Variants in NRXN1 observed in about 807,000 individuals in gnomAD.
The protein encoded by NRXN1 is neurexin 1, also known as neurexin-1.
In NRXN1, 39 loss-of-function variants were observed where a neutral mutation model predicts 150.9. The ratio of observed to expected loss-of-function variants is 0.26; its 90% CI spans 0.20 to 0.34. The LOEUF is 0.34. Ranked by LOEUF, NRXN1 falls within the 10% of genes least tolerant of loss-of-function variation. NRXN1 has a pLI of 1.00. For missense variants in NRXN1, 1,815 were observed against 1,949.9 expected (o/e 0.93, Z 1.30); for synonymous variants, 924 against 757.0 (o/e 1.22, Z -3.62).
At chr2:50,634,464 T>C (rs1055667746) in intron 5 of NRXN1, among the ~76,000 whole-genome samples, 6 of 152,198 alleles carry the variant, frequency 3.9e-5, no homozygotes, top group Non-Finnish European at 8.8e-5. Context: ...TTAAACAATA[T>C]ATGCATAATA....
At chr2:50,970,720 G>C (rs1363627153) in intron 2 of NRXN1, among the ~76,000 whole-genome samples, 2 of 151,952 alleles carry the variant, frequency 1.3e-5, no homozygotes, top group Non-Finnish European at 2.9e-5. Flanking sequence ...AAGTTAAACA[G>C]AGGGTCGTTA....
At chr2:50,527,059 T>A (rs74880113) in intron 12 of NRXN1, among the ~76,000 whole-genome samples, 1 of 152,232 alleles carries the variant, frequency 6.6e-6, no homozygotes, top group African/African-American at 2.4e-5. Context: ...TTAATTGCTA[T>A]ACTTTGCATA....
chr2:50,695,583 C>G (rs1446110111), intron 5 of NRXN1, among the ~76,000 whole-genome samples: 2 of 152,096 alleles, frequency 1.3e-5, no homozygotes, highest in Non-Finnish European at 2.9e-5. Context: ...TCTTTGCTTT[C>G]CTCTAGGAGC....
intron 5 of NRXN1, among the ~76,000 whole-genome samples, chr2:50,793,662 G>A (rs183724876): frequency 2.6e-5 from 4 of 152,052 alleles, no homozygotes; most frequent in African/African-American, 9.6e-5. Context: ...CATTAGCCTT[G>A]GGCAGGGTAA....
At chr2:50,424,266 G>T (rs1194213006) in intron 17 of NRXN1, among the ~76,000 whole-genome samples, 5 of 105,106 alleles carry the variant, frequency 4.8e-5, no homozygotes, top group African/African-American at 1.1e-4. Flanking sequence ...GGAAGAGGAG[G>T]ACAGGGGAAG....
intron 21 of NRXN1, among the ~76,000 whole-genome samples, chr2:49,995,812 A>G (rs1219505959): frequency 2.0e-5 from 3 of 146,580 alleles, no homozygotes; most frequent in African/African-American, 5.0e-5. Flanking sequence ...AGATAGGAAA[A>G]GAAAGAAAAT....
At position 50,317,365 on chromosome 2, in the gene NRXN1, A is replaced by G. The variant is rs2152970094; in HGVS notation, c.3365-80395T>C. ...AAATGCAAGGAAAGAGATCTTTAAA[A>G]CAGTCAGGAAGAATGAAACAGTAGT... is the stretch of plus-strand genomic sequence containing the variant. On this transcript the variant is annotated intron_variant, in intron 17 of 22. Coordinates refer to ENST00000401669, the MANE Select transcript of NRXN1 (RefSeq NM_001330078.2). Among the ~76,000 whole-genome samples the G allele has an allele frequency of 1.3e-5, 2 of 152,098 alleles. 1 individual carries two copies. The highest frequency in any genetic ancestry group is 4.1e-4 in the South Asian group (2 of 4,832).
intron 18 of NRXN1, among the ~76,000 whole-genome samples, chr2:50,172,831 G>A (rs568271452): frequency 6.6e-6 from 1 of 152,274 alleles, no homozygotes; most frequent in African/African-American, 2.4e-5. Context: ...GCCAGGCGTG[G>A]TAGTGGGCGC....
At chr2:50,644,813 T>C (rs1445444244) in intron 5 of NRXN1, among the ~76,000 whole-genome samples, 1 of 147,276 alleles carries the variant, frequency 6.8e-6, no homozygotes, top group East Asian at 2.0e-4. Flanking sequence ...ATATAATATA[T>C]ATGAATATAA....
At chr2:50,656,353 T>C (rs1686456458) in intron 5 of NRXN1, 1 of 776,266 alleles carries the variant, frequency 1.3e-6, no homozygotes, top group African/African-American at 1.7e-5. Context: ...AAAGAGTACC[T>C]GAGTCTGTAC....
chr2:50,455,351 A>G (rs2087444451), intron 17 of NRXN1, among the ~76,000 whole-genome samples: 1 of 152,204 alleles, frequency 6.6e-6, no homozygotes, highest in African/African-American at 2.4e-5. Context: ...CAGATACCGT[A>G]GGCACTGAAT....
At chr2:50,571,269 T>C (rs1158544808) in intron 8 of NRXN1, among the ~76,000 whole-genome samples, 1 of 152,132 alleles carries the variant, frequency 6.6e-6, no homozygotes. Flanking sequence ...AAGTAAAATA[T>C]AAATGGTCAT....
At chr2:50,477,495 C>T (rs542346635) in intron 15 of NRXN1, among the ~76,000 whole-genome samples, 2 of 152,138 alleles carry the variant, frequency 1.3e-5, no homozygotes, top group Non-Finnish European at 2.9e-5. Flanking sequence ...AGACAAATGA[C>T]GCGGTAGAGA....
intron 8 of NRXN1, among the ~76,000 whole-genome samples, chr2:50,596,519 C>T (rs751780725): frequency 1.3e-5 from 2 of 152,192 alleles, no homozygotes; most frequent in African/African-American, 2.4e-5. Flanking sequence ...GCTGGACTTA[C>T]GTTTGGAATA....
In NRXN1 at chr2:50,552,952, A is replaced by T. The variant is rs1392989124; in HGVS notation, c.1394T>A (p.Ile465Asn). 6.2e-7 allele frequency: 1 copy of T among 1,613,810 alleles called. No homozygotes were observed. Among genetic ancestry groups the T allele is most frequent in the East Asian group, 2.2e-5 (1 of 44,870 alleles). ...LAKQGDPKMK[I>N]HGVVAFKCEN... ...ACATTTAAATGCCACCACTCCATGGATCTTCATCTTAGGATCTCCTTGCTT... is the reference window on the plus strand; with the variant it reads ...ACATTTAAATGCCACCACTCCATGGTTCTTCATCTTAGGATCTCCTTGCTT... The change falls in exon 9 of 23, where the codon ATC becomes AAC. Residue 465 changes from isoleucine to asparagine, a missense_variant. Physicochemically the swap from Ile to Asn is moderately radical, Grantham distance 149. Coordinates refer to ENST00000401669, the MANE Select transcript of NRXN1 (RefSeq NM_001330078.2).
At chr2:50,398,521 G>A (rs933426361) in intron 17 of NRXN1, among the ~76,000 whole-genome samples, 14 of 152,094 alleles carry the variant, frequency 9.2e-5, no homozygotes, top group Non-Finnish European at 1.5e-5. Flanking sequence ...AGTATGTGTA[G>A]GATACACATG....
intron 21 of NRXN1, chr2:49,974,282 A>T: frequency 3.5e-6 from 2 of 565,716 alleles, no homozygotes; most frequent in Non-Finnish European, 6.7e-6. Context: ...TTCCGTCTGC[A>T]GTTGACGAGG....
chr2:50,358,051 C>T (rs182422748), intron 17 of NRXN1, among the ~76,000 whole-genome samples: 72 of 152,252 alleles, frequency 4.7e-4, no homozygotes, highest in African/African-American at 1.7e-3. Context: ...ATCCAGCCCA[C>T]GCACTAGGCT....
At chr2:50,901,906 G>T (rs1015508843) in intron 5 of NRXN1, among the ~76,000 whole-genome samples, 1 of 152,150 alleles carries the variant, frequency 6.6e-6, no homozygotes, top group African/African-American at 2.4e-5. Context: ...CACGCATGGC[G>T]AATGGAAGAT....
Sources: allele counts gnomAD v4.1 joint callset (sites outside exome capture counted in the v4.1 genomes callset), GRCh38; gene constraint gnomAD v4.1.1; transcripts MANE v1.5; gene names NCBI Gene and HGNC (gene_info 2026-07-23, HGNC 2026-07-21).